TCF12: variants seen among roughly 807,000 people sequenced by gnomAD.
TCF12 encodes DNA-binding protein HTF4.
Under a neutral mutation model 86.0 loss-of-function variants are expected in TCF12, and 45 were observed. The observed-to-expected ratio is 0.52, with a 90% confidence interval of 0.41 to 0.67. The LOEUF (loss-of-function observed/expected upper bound fraction) is 0.67. TCF12 is among the 30% of genes least tolerant of loss of function. TCF12 has a pLI of 0.00. For synonymous variants in TCF12, 330 were observed against 299.6 expected, an observed-to-expected ratio of 1.10 and a Z score of -1.05; for missense variants, 881 against 859.9, an observed-to-expected ratio of 1.02 and a Z score of -0.31.
chr15:57,193,865 C>CTAT (rs1348474141), intron 7 of TCF12, among the ~76,000 whole-genome samples: 2 of 152,108 alleles, frequency 1.3e-5, no homozygotes, highest in Non-Finnish European at 2.9e-5. Flanking sequence ...AGTATGTTTA[C>CTAT]TATTAAGTCA....
intron 3 of TCF12, among the ~76,000 whole-genome samples, chr15:56,929,088 A>G (rs1447666220): frequency 1.3e-5 from 2 of 152,204 alleles, no homozygotes; most frequent in Non-Finnish European, 2.9e-5. Context: ...TTCATTAATC[A>G]TTGAGTAAAA....
chr15:57,129,558 T>C (rs945177000), intron 5 of TCF12, among the ~76,000 whole-genome samples: 8 of 152,162 alleles, frequency 5.3e-5, no homozygotes, highest in Non-Finnish European at 7.4e-5. Flanking sequence ...GTCTGAAATA[T>C]ATATTGAGCA....
chr15:57,186,032 A>G (rs923884026), intron 6 of TCF12, among the ~76,000 whole-genome samples: 1 of 152,270 alleles, frequency 6.6e-6, no homozygotes. Flanking sequence ...AAAAAGGATT[A>G]TAAGAGATTA....
At chr15:57,028,915 A>T (rs569034301) in intron 3 of TCF12, among the ~76,000 whole-genome samples, 280 of 151,926 alleles carry the variant, frequency 1.8e-3, no homozygotes, top group Middle Eastern at 3.4e-3. Flanking sequence ...CTCCTGCATC[A>T]GCTTCCTGAG....
chr15:56,992,240 TAGCCTGGGTGACAGAGTG>T (rs1258831893), intron 3 of TCF12, among the ~76,000 whole-genome samples: 1 of 152,164 alleles, frequency 6.6e-6, no homozygotes, highest in Non-Finnish European at 1.5e-5. Flanking sequence ...CACTGTAGTC[TAGCCTGGGTGACAGAGTG>T]AGACCCTGTC....
At chr15:57,210,693 C>G (rs960257132) in intron 8 of TCF12, among the ~76,000 whole-genome samples, 1 of 152,086 alleles carries the variant, frequency 6.6e-6, no homozygotes, top group Admixed American at 6.6e-5. Flanking sequence ...ATATAACAAC[C>G]ATTTCAGTCT....
intron 8 of TCF12, among the ~76,000 whole-genome samples, chr15:57,211,909 G>T (rs1483932755): frequency 1.3e-5 from 2 of 151,926 alleles, no homozygotes; most frequent in Admixed American, 1.3e-4. Flanking sequence ...AGCCAAGATT[G>T]CACCAGTGCA....
intron 3 of TCF12, among the ~76,000 whole-genome samples, chr15:56,953,898 A>AT (rs1382503343): frequency 2.8e-4 from 17 of 60,226 alleles, no homozygotes; most frequent in Admixed American, 7.4e-4. Context: ...TTTTTTCTCT[A>AT]TTTTTTCCCC....
intron 3 of TCF12, among the ~76,000 whole-genome samples, chr15:57,044,239 G>A (rs1247302191): frequency 1.3e-5 from 2 of 152,096 alleles, no homozygotes; most frequent in Non-Finnish European, 2.9e-5. Flanking sequence ...TATAAGCTCT[G>A]CTATTTGAGT....
intron 3 of TCF12, among the ~76,000 whole-genome samples, chr15:56,961,971 AT>A (rs1321024690): frequency 6.6e-6 from 1 of 151,916 alleles, no homozygotes; most frequent in Non-Finnish European, 1.5e-5. Context: ...TCTACTAAAA[AT>A]TAAAAAAAAA....
Position 57,025,807 on chromosome 15 carries a change from T to C in TCF12, c.149-37943T>C, listed in dbSNP as rs559132103. On this transcript the variant is annotated intron_variant, in intron 3 of 20. Coordinates refer to ENST00000333725, the MANE Select transcript of TCF12 (RefSeq NM_207037.2). The stretch of plus-strand genomic sequence containing the variant: ...CGTAGAATGAAACCTTAAACTGTGT[T>C]AATAGAAATGTGGTGTCAGAATCAT... Among the ~76,000 whole-genome samples, 138 of 152,316 alleles carry C rather than the reference T, an allele frequency of 9.1e-4. 1 individual carries two copies. The highest frequency in any genetic ancestry group is 3.0e-3 in the African/African-American group (126 of 41,582).
chr15:56,976,224 CTTTTTTTTT>C (rs35959497), intron 3 of TCF12, among the ~76,000 whole-genome samples: 3 of 57,380 alleles, frequency 5.2e-5, no homozygotes, highest in Admixed American at 2.6e-4. Context: ...AAGGAAGTTT[CTTTTTTTTT>C]TTTTTTTTTT....
chr15:57,074,175 C>G (rs1400732297), intron 4 of TCF12, among the ~76,000 whole-genome samples: 1 of 152,120 alleles, frequency 6.6e-6, no homozygotes, highest in African/African-American at 2.4e-5. Flanking sequence ...TTTCACCACT[C>G]TATTTGACCT....
chr15:57,072,291 C>G (rs1327117541), intron 4 of TCF12, among the ~76,000 whole-genome samples: 1 of 152,144 alleles, frequency 6.6e-6, no homozygotes, highest in African/African-American at 2.4e-5. Flanking sequence ...AATGGTAACT[C>G]CTGAATTAAA....
rs1380714937 is a variant in TCF12, at chr15:57,192,193, C to G, written c.426C>G (p.Ser142Arg). Residue 142 changes from serine (S) to arginine (R), a missense_variant, in exon 7 of 21, where the codon AGC becomes AGG. This residue lies in a region of TCF12 where 766 missense variants were observed against 718.9 expected (regional missense o/e 1.07). Coordinates refer to ENST00000333725, the MANE Select transcript of TCF12 (RefSeq NM_207037.2). ...SLLRQDLGLGSPAQLSSSGKP... is the reference protein window; with the variant it reads ...SLLRQDLGLGRPAQLSSSGKP... ...TGAGACAAGATCTGGGGCTTGGGAG[C>G]CCAGCACAGCTATCTTCTTCAGGAA... 7.4e-6 allele frequency: 12 copies of G among 1,613,980 alleles called. No homozygotes were observed. Among genetic ancestry groups the G allele is most frequent in the African/African-American group, 4.0e-5 (3 of 75,000 alleles).
intron 3 of TCF12, among the ~76,000 whole-genome samples, chr15:56,928,722 C>T (rs2060121741): frequency 6.6e-6 from 1 of 152,008 alleles, no homozygotes; most frequent in Non-Finnish European, 1.5e-5. Flanking sequence ...TTTGAAAATC[C>T]TTTTCCATGC....
At chr15:56,966,043 A>C (rs1417771325) in intron 3 of TCF12, among the ~76,000 whole-genome samples, 1 of 152,174 alleles carries the variant, frequency 6.6e-6, no homozygotes, top group Admixed American at 6.5e-5. Context: ...GCATCATGAG[A>C]CCATATAGTG....
At chr15:57,093,894 A>T (rs552464990) in intron 5 of TCF12, among the ~76,000 whole-genome samples, 11 of 152,328 alleles carry the variant, frequency 7.2e-5, no homozygotes, top group African/African-American at 2.6e-4. Flanking sequence ...TTTGTATCAG[A>T]TGCAGATATA....
At chr15:56,929,651 C>T (rs959173491) in intron 3 of TCF12, among the ~76,000 whole-genome samples, 1 of 152,134 alleles carries the variant, frequency 6.6e-6, no homozygotes, top group Non-Finnish European at 1.5e-5. Flanking sequence ...AGATTGGTTA[C>T]TAATTTTTAT....
Sources: gnomAD v4.1 joint callset for allele counts (sites outside exome capture counted in the v4.1 genomes callset) on GRCh38, gnomAD v4.1.1 for gene constraint, gnomAD v4.1.1 regional missense constraint, MANE v1.5 for transcripts, NCBI Gene and HGNC (gene_info 2026-07-23, HGNC 2026-07-21) for gene names.